Variants in GLS observed in about 807,000 individuals in gnomAD.
GLS encodes glutaminase kidney isoform, mitochondrial.
A neutral mutation model predicts 86.7 loss-of-function variants in GLS; 36 were observed. The ratio of observed to expected loss-of-function variants is 0.42; its 90% CI spans 0.32 to 0.55. The LOEUF is 0.55. GLS is among the 20% of genes least tolerant of loss of function. The pLI, the probability that GLS is intolerant of heterozygous loss-of-function variation, is 0.17. For synonymous variants in GLS, 317 were observed against 305.9 expected, an observed-to-expected ratio of 1.04 and a Z score of -0.38; for missense variants, 528 against 833.4, an observed-to-expected ratio of 0.63 and a Z score of 4.51.
chr2:190,948,394 A>G (rs1435345965), intron 14 of GLS, among the ~76,000 whole-genome samples: 2 of 152,160 alleles, frequency 1.3e-5, no homozygotes, highest in Admixed American at 6.5e-5. Flanking sequence ...AGTATATTCT[A>G]AAATCTTCTA....
intron 1 of GLS, chr2:190,881,674 ACC>A (rs1425533316): frequency 1.6e-5 from 8 of 500,894 alleles, no homozygotes; most frequent in Non-Finnish European, 2.4e-5. Flanking sequence ...TCCGCCAGGC[ACC>A]CACTTCCCTT....
chr2:190,933,973 A>G lies in GLS; in HGVS notation c.1650+2336A>G, dbSNP rs1380092956. The G allele has an allele frequency of 4.3e-6, 4 of 933,800 alleles. No individual in the cohort carries two copies. The African/African-American group carries it at 7.1e-5, about 17-fold the overall frequency. 57.8% of individuals were successfully genotyped at this position (933,800 alleles called of 1,614,324 possible). ...AAACTTGTTTTTAAGAGAACTATAG[A>G]TTCTACACAACCTGATTTCAAGTAA... On this transcript the variant is annotated intron_variant, in intron 14 of 17. Transcript: ENST00000320717.
chr2:190,921,395 C>G lies in GLS; in HGVS notation c.1130+192C>G, dbSNP rs753372950. On this transcript the variant is annotated intron_variant, in intron 9 of 17. Coordinates refer to ENST00000320717, the MANE Select transcript of GLS (RefSeq NM_014905.5). This position sits in a 1 kb window ranked among gnomAD's most constrained non-coding sequence, Gnocchi z 4.2. ...ATCAGAAGAGACCCCAAGTTTATCTCAAATTACTGGTGCTTATTCAGTTTT... is the reference window on the plus strand; with the variant it reads ...ATCAGAAGAGACCCCAAGTTTATCTGAAATTACTGGTGCTTATTCAGTTTT... Among the ~76,000 whole-genome samples, 1 of 152,018 alleles carries G rather than the reference C, an allele frequency of 6.6e-6. No individual in the cohort carries two copies. The highest frequency in any genetic ancestry group is 1.9e-4 in the East Asian group (1 of 5,186).
At position 190,943,598 on chromosome 2, in the gene GLS, A is replaced by AT. The variant is rs886088632; in HGVS notation, c.1651-9959dup. Among the ~76,000 whole-genome samples the AT allele has an allele frequency of 1.3e-5, 2 of 152,032 alleles. No individual in the cohort carries two copies. The highest frequency in any genetic ancestry group is 1.5e-5 in the Non-Finnish European group (1 of 67,978). ...TATATTTACATGATGTCCTTTCTAA[A>AT]TTTTTTTTAGATAGAACAATTGCTT... On this transcript the variant is annotated intron_variant, in intron 14 of 17. Coordinates refer to ENST00000320717, the MANE Select transcript of GLS (RefSeq NM_014905.5). The surrounding 1 kb of genome is among the most constrained non-coding windows in gnomAD (Gnocchi z 4.5).
Position 190,913,290 on chromosome 2 carries a change from C to G in GLS, c.1038+2969C>G. 7.8e-7 allele frequency: 1 copy of G among 1,282,986 alleles called. No homozygotes were observed. The highest frequency in any genetic ancestry group is 2.6e-5 in the Admixed American group (1 of 37,740). 79.5% of individuals were successfully genotyped at this position (1,282,986 alleles called of 1,614,324 possible). A position where few individuals can be genotyped will look rare whatever the true frequency, so the allele number is the denominator to read the frequency against. ...AAAAGGAGAATTTGGACAGAAGGAGCCTGTTGCATAAATTCTTAACTACTA... is the reference window on the plus strand; with the variant it reads ...AAAAGGAGAATTTGGACAGAAGGAGGCTGTTGCATAAATTCTTAACTACTA... On this transcript the variant is annotated intron_variant, in intron 7 of 17. Coordinates refer to ENST00000320717, the MANE Select transcript of GLS (RefSeq NM_014905.5). This position sits in a 1 kb window ranked among gnomAD's most constrained non-coding sequence, Gnocchi z 6.1.
At chr2:190,906,127 G>A (rs1231486961) in intron 6 of GLS, among the ~76,000 whole-genome samples, 1 of 151,900 alleles carries the variant, frequency 6.6e-6, no homozygotes, top group Non-Finnish European at 1.5e-5. Context: ...TGGTTTTATG[G>A]ACATTACTGT....
chr2:190,934,885 G>T (rs943829934), intron 14 of GLS: 2 of 978,966 alleles, frequency 2.0e-6, no homozygotes, highest in African/African-American at 1.8e-5. Context: ...AAGATACTGC[G>T]AATAGGCCCT....
At chr2:190,903,373 T>G (rs1370772357) in intron 5 of GLS, among the ~76,000 whole-genome samples, 1 of 152,202 alleles carries the variant, frequency 6.6e-6, no homozygotes, top group Non-Finnish European at 1.5e-5. Flanking sequence ...TTTCTTTCAT[T>G]ATTATATGCC....
intron 14 of GLS, among the ~76,000 whole-genome samples, chr2:190,950,638 T>TGGGAGGTACCTGGGTGCTAGGTACCCA (rs1690696247): frequency 1.3e-5 from 2 of 152,204 alleles, no homozygotes; most frequent in African/African-American, 4.8e-5. Context: ...TCCCAGCACA[T>TGGGAGGTACCTGGGTGCTAGGTACCCA]GTACCTGGGT....
chr2:190,885,222 C>T (rs1005333454), intron 1 of GLS, among the ~76,000 whole-genome samples: 4 of 151,566 alleles, frequency 2.6e-5, no homozygotes, highest in Non-Finnish European at 5.9e-5. Flanking sequence ...GATGGAGTCT[C>T]GCTCTGTCAC....
intron 7 of GLS, among the ~76,000 whole-genome samples, chr2:190,917,842 A>G (rs1370744679): frequency 6.6e-6 from 1 of 151,652 alleles, no homozygotes; most frequent in Non-Finnish European, 1.5e-5. Flanking sequence ...TAATCTCAGC[A>G]CTTTGGGAGG....
chr2:190,904,324 G>T (rs1248641213), intron 5 of GLS, among the ~76,000 whole-genome samples: 2 of 152,090 alleles, frequency 1.3e-5, no homozygotes. Flanking sequence ...TTCTAAAAGG[G>T]CTAGTTTATT....
chr2:190,946,201 A>C (rs1023015663), intron 14 of GLS, among the ~76,000 whole-genome samples: 1 of 152,226 alleles, frequency 6.6e-6, no homozygotes, highest in Non-Finnish European at 1.5e-5. Context: ...CAAGGTGATT[A>C]ATTTACATAT....
chr2:190,932,846 T>A (rs781349275), intron 14 of GLS: 1 of 1,538,692 alleles, frequency 6.5e-7, no homozygotes, highest in Non-Finnish European at 8.7e-7. Context: ...ATGGAAAGTC[T>A]GGGAGAGAAA....
chr2:190,902,106 A>G (rs1688964692), intron 5 of GLS, 80 bp downstream of exon 5: 3 of 784,414 alleles, frequency 3.8e-6, no homozygotes, highest in East Asian at 2.5e-5. Flanking sequence ...GGAGAAGATC[A>G]TCTTTTATAA....
intron 1 of GLS, among the ~76,000 whole-genome samples, chr2:190,888,990 T>A (rs1688479861): frequency 6.6e-6 from 1 of 152,262 alleles, no homozygotes; most frequent in African/African-American, 2.4e-5. Flanking sequence ...CCCAGATGAA[T>A]ATGCTAATGT....
chr2:190,948,312 G>A (rs1401346486), intron 14 of GLS, among the ~76,000 whole-genome samples: 1 of 152,116 alleles, frequency 6.6e-6, no homozygotes, highest in Non-Finnish European at 1.5e-5. Flanking sequence ...TAGTTACAAA[G>A]CCTTTGTACA....
In GLS at chr2:190,881,080, G is replaced by A; in HGVS notation, c.-5G>A. 1 of 1,554,768 alleles carries A rather than the reference G, an allele frequency of 6.4e-7. No homozygotes were observed. Among genetic ancestry groups the A allele is most frequent in the Non-Finnish European group, 8.6e-7 (1 of 1,157,524 alleles). On this transcript the variant is annotated 5_prime_UTR_variant, in exon 1 of 18. Transcript: ENST00000320717. ...TGTTGAGCGGGCGCTGACGGACCCG[G>A]CGGCATGATGCGGCTGCGAGGCTCG...
Position 190,895,638 on chromosome 2 carries a change from C to T in GLS, c.518C>T (p.Pro173Leu). The change falls in exon 3 of 18, where the codon CCC becomes CTC. Residue 173 changes from proline to leucine, a missense_variant. By Grantham distance (98) the Pro-to-Leu change is moderately conservative. This residue lies in a region of GLS where 111 missense variants were observed against 179.5 expected (regional missense o/e 0.62). Transcript: ENST00000320717. This position sits in a 1 kb window ranked among gnomAD's most constrained non-coding sequence, Gnocchi z 4.2. Reference protein sequence around the residue: ...LKSTGLRTSDPRLKECMDMLR... With the variant: ...LKSTGLRTSDLRLKECMDMLR... ...TCTACAGGATTGCGAACGTCTGATC[C>T]CAGGTTGAAAGAGTGTATGGATATG... is the stretch of plus-strand genomic sequence containing the variant. 6.2e-7 allele frequency: 1 copy of T among 1,603,590 alleles called. No individual in the cohort carries two copies. Among genetic ancestry groups the T allele is most frequent in the South Asian group, 1.1e-5 (1 of 90,168 alleles).
Sources: gnomAD v4.1 joint callset for allele counts (sites outside exome capture counted in the v4.1 genomes callset) on GRCh38, gnomAD v4.1.1 for gene constraint, gnomAD v4.1.1 regional missense constraint, Gnocchi (gnomAD v3.1) non-coding constraint, MANE v1.5 for transcripts, NCBI Gene and HGNC (gene_info 2026-07-23, HGNC 2026-07-21) for gene names.